Variants in IGSF11 observed in about 807,000 individuals in gnomAD.
The protein encoded by IGSF11 is immunoglobulin superfamily member 11, also known as CXADR like 1.
In IGSF11, 22 loss-of-function variants were observed where a neutral mutation model predicts 41.0. The observed-to-expected ratio is 0.54, with a 90% CI of 0.38 to 0.77. IGSF11 has a LOEUF of 0.77. Among genes scored for constraint, IGSF11 ranks in the 30% least tolerant of loss-of-function variants. The pLI is 0.00. For missense variants in IGSF11, 444 were observed against 530.8 expected, an observed-to-expected ratio of 0.84 and a Z score of 1.61; for synonymous variants, 219 against 201.3, an observed-to-expected ratio of 1.09 and a Z score of -0.74.
chr3:119,103,464 T>C (rs2076971086), intron 1 of IGSF11, among the ~76,000 whole-genome samples: 1 of 152,130 alleles, frequency 6.6e-6, no homozygotes, highest in Non-Finnish European at 1.5e-5. Flanking sequence ...GAGTTTTTCT[T>C]ATGATCACTA....
intron 1 of IGSF11, among the ~76,000 whole-genome samples, chr3:118,957,845 A>T (rs773924565): frequency 2.0e-5 from 3 of 152,226 alleles, no homozygotes; most frequent in Non-Finnish European, 4.4e-5. Flanking sequence ...AACTTGACCA[A>T]GGATAAAATA....
At chr3:119,029,269 CA>C (rs1559815192) in intron 1 of IGSF11, among the ~76,000 whole-genome samples, 287 of 148,766 alleles carry the variant, frequency 1.9e-3, no homozygotes, top group East Asian at 0.013. Flanking sequence ...CACACACACA[CA>C]CACACCCGAG....
chr3:118,930,309 G>C, intron 1 of IGSF11, 34 bp from the exon 2 acceptor site: 1 of 1,582,726 alleles, frequency 6.3e-7, no homozygotes. Flanking sequence ...TTATATGCTC[G>C]CCCTTTCCCA....
Position 119,045,298 on chromosome 3 carries a change from G to A in IGSF11, c.49+59846C>T, listed in dbSNP as rs150340678. On this transcript the variant is annotated intron_variant, in intron 1 of 6. Transcript: ENST00000354673. Reference sequence around the variant, plus strand: ...GTCAGTGGGTGCGTGCACCGTGCACGAGCCGAAGCAGGGCGAGGCATTGCC... The same window carrying A: ...GTCAGTGGGTGCGTGCACCGTGCACAAGCCGAAGCAGGGCGAGGCATTGCC... Among the ~76,000 whole-genome samples, 84 of 152,372 alleles carry A rather than the reference G, an allele frequency of 5.5e-4. No individual in the cohort carries two copies. The East Asian group carries it at 0.014, about 26-fold the overall frequency.
chr3:119,096,620 T>C (rs1260797058), intron 1 of IGSF11, among the ~76,000 whole-genome samples: 1 of 152,222 alleles, frequency 6.6e-6, no homozygotes, highest in Non-Finnish European at 1.5e-5. Flanking sequence ...TGCTACTTTG[T>C]ATTTAACTCT....
At chr3:119,023,192 G>A (rs1346809230) in intron 1 of IGSF11, among the ~76,000 whole-genome samples, 1 of 144,508 alleles carries the variant, frequency 6.9e-6, no homozygotes, top group Non-Finnish European at 1.5e-5. Flanking sequence ...GAATCTGGGA[G>A]GCGGAGGTTG....
upstream of IGSF11, among the ~76,000 whole-genome samples, chr3:119,109,841 T>C (rs1408776468): frequency 1.3e-5 from 2 of 152,240 alleles, no homozygotes; most frequent in Non-Finnish European, 2.9e-5. Context: ...CTTCCCTTCG[T>C]TATGTACCCA....
chr3:118,917,920 G>A (rs1941340732), intron 4 of IGSF11, among the ~76,000 whole-genome samples: 1 of 123,802 alleles, frequency 8.1e-6, no homozygotes, highest in Non-Finnish European at 1.6e-5. Flanking sequence ...TGATCAAGTG[G>A]GCTTCATCCC....
chr3:118,970,769 A>T (rs1474702855), intron 1 of IGSF11, among the ~76,000 whole-genome samples: 3 of 150,966 alleles, frequency 2.0e-5, no homozygotes, highest in African/African-American at 4.9e-5. Flanking sequence ...AAAAAAAACC[A>T]CAACTAATTT....
intron 1 of IGSF11, among the ~76,000 whole-genome samples, chr3:119,110,991 T>C (rs2107519037): frequency 6.6e-6 from 1 of 151,982 alleles, no homozygotes; most frequent in Admixed American, 6.6e-5. Context: ...CCTTTGTGGG[T>C]AACCCGACCT....
intron 1 of IGSF11, among the ~76,000 whole-genome samples, chr3:119,140,459 C>A (rs1006261917): frequency 6.6e-6 from 1 of 151,818 alleles, no homozygotes; most frequent in African/African-American, 2.4e-5. Context: ...AACAGAACCC[C>A]AAAAATATGT....
At chr3:119,117,588 A>T (rs2077276192) in intron 1 of IGSF11, among the ~76,000 whole-genome samples, 1 of 152,136 alleles carries the variant, frequency 6.6e-6, no homozygotes, top group Non-Finnish European at 1.5e-5. Flanking sequence ...ACACAGCCAA[A>T]CCATATAATT....
chr3:118,998,829 G>A (rs1448533268), intron 1 of IGSF11, among the ~76,000 whole-genome samples: 1 of 152,010 alleles, frequency 6.6e-6, no homozygotes, highest in Non-Finnish European at 1.5e-5. Flanking sequence ...TCTATTTTAT[G>A]CGGTTAAATT....
chr3:119,026,033 G>A (rs1197306075), intron 1 of IGSF11, among the ~76,000 whole-genome samples: 1 of 152,114 alleles, frequency 6.6e-6, no homozygotes, highest in Non-Finnish European at 1.5e-5. Context: ...CACTTTGGGA[G>A]GCCGAGGTGG....
At chr3:119,121,948 T>A (rs2077339211) in intron 1 of IGSF11, among the ~76,000 whole-genome samples, 1 of 152,146 alleles carries the variant, frequency 6.6e-6, no homozygotes, top group African/African-American at 2.4e-5. Flanking sequence ...AACTAAGAAT[T>A]CTGTCCAAAG....
upstream of IGSF11, among the ~76,000 whole-genome samples, chr3:119,035,561 A>G (rs1940857103): frequency 6.6e-6 from 1 of 152,202 alleles, no homozygotes; most frequent in Non-Finnish European, 1.5e-5. Context: ...CCTTAAGTAT[A>G]CATGTTAACT....
chr3:118,966,929 A>C (rs973954752), intron 1 of IGSF11, among the ~76,000 whole-genome samples: 1 of 152,178 alleles, frequency 6.6e-6, no homozygotes, highest in African/African-American at 2.4e-5. Context: ...GTAACACAGC[A>C]CCACATTTAG....
intron 1 of IGSF11, among the ~76,000 whole-genome samples, chr3:119,091,143 A>C (rs2076755051): frequency 6.6e-6 from 1 of 152,186 alleles, no homozygotes; most frequent in Non-Finnish European, 1.5e-5. Context: ...GACAATCAAA[A>C]CCACAATGAG....
At chr3:118,993,562 AAT>A (rs1481430029) in intron 1 of IGSF11, among the ~76,000 whole-genome samples, 8 of 152,242 alleles carry the variant, frequency 5.3e-5, no homozygotes, top group African/African-American at 1.9e-4. Context: ...ATATTTATAG[AAT>A]ATGTGTTCAC....
Sources: gnomAD v4.1 joint callset for allele counts (sites outside exome capture counted in the v4.1 genomes callset) on GRCh38, gnomAD v4.1.1 for gene constraint, MANE v1.5 for transcripts, NCBI Gene and HGNC (gene_info 2026-07-23, HGNC 2026-07-21) for gene names.